C11orf58: variants seen among roughly 807,000 people sequenced by gnomAD.
The protein encoded by C11orf58 is chromosome 11 open reading frame 58.
Under a neutral mutation model 22.7 loss-of-function variants are expected in C11orf58, and 5 were observed. The observed-to-expected ratio is 0.22, with a 90% confidence interval of 0.12 to 0.46. The LOEUF (loss-of-function observed/expected upper bound fraction) is 0.46. C11orf58 is among the 20% of genes least tolerant of loss of function. The pLI, the probability that C11orf58 is intolerant of heterozygous loss-of-function variation, is 0.99. For synonymous variants in C11orf58, 71 were observed against 70.7 expected, an observed-to-expected ratio of 1.00 and a Z score of -0.02; for missense variants, 151 against 223.3, an observed-to-expected ratio of 0.68 and a Z score of 2.06.
intron 1 of C11orf58, chr11:16,744,304 C>T: frequency 3.3e-6 from 1 of 301,168 alleles, no homozygotes; most frequent in Non-Finnish European, 6.2e-6. Context: ...CCCGCTGAAT[C>T]TCTGGGGCTG....
At chr11:16,744,555 C>G (rs762257389) in intron 1 of C11orf58, 46 bp from the exon 2 acceptor site, 1 of 1,504,074 alleles carries the variant, frequency 6.6e-7, no homozygotes, top group Non-Finnish European at 9.2e-7. Flanking sequence ...TTTCGTAATA[C>G]TTATTTTTAT....
In C11orf58 at chr11:16,738,803, C is replaced by T. The variant is rs757294906; in HGVS notation, c.25C>T (p.Pro9Ser). The change falls in exon 1 of 5, where the codon CCG becomes TCG. Residue 9 changes from proline (P) to serine (S), a missense_variant. Physicochemically the swap from Pro to Ser is moderately conservative, Grantham distance 74 (BLOSUM62 -1). Around this residue, in one of 3 missense-constraint regions of C11orf58, gnomAD observed 34 missense variants for 36.5 expected, o/e 0.93. Coordinates refer to ENST00000228136, the MANE Select transcript of C11orf58 (RefSeq NM_014267.6). MSAARESH[P>S]HGVKRSASPD... Reference sequence around the variant, plus strand: ...GATGAGTGCTGCCAGAGAGTCTCACCCGCATGGGGTGAAGCGTTCAGCCTC... The same window carrying T: ...GATGAGTGCTGCCAGAGAGTCTCACTCGCATGGGGTGAAGCGTTCAGCCTC... The T allele has an allele frequency of 6.2e-7, 1 of 1,613,968 alleles. No homozygotes were observed. Among genetic ancestry groups the T allele is most frequent in the Non-Finnish European group, 8.5e-7 (1 of 1,180,012 alleles).
intron 2 of C11orf58, chr11:16,746,700 T>G (rs541928493): frequency 6.6e-5 from 10 of 152,294 alleles, no homozygotes; most frequent in South Asian, 4.1e-4. Flanking sequence ...TTCTCTTTTT[T>G]TTGTTGTTGT....
chr11:16,752,848 A>C lies in C11orf58; in HGVS notation c.272A>C (p.Lys91Thr). The change falls in exon 4 of 5, where the codon AAA becomes ACA. Residue 91 changes from lysine to threonine, a missense_variant. Lys to Thr is a moderately conservative substitution (Grantham distance 78). This residue lies in a region of C11orf58 where 112 missense variants were observed against 162.6 expected (regional missense o/e 0.69). Coordinates refer to ENST00000228136, the MANE Select transcript of C11orf58 (RefSeq NM_014267.6). ...CAATATCAGCAAAGTATGGACAGTA[A>C]ATTATCAGGAAGATATCGGCGACAT... ...ESQYQQSMDS[K>T]LSGRYRRHCG... The C allele has an allele frequency of 6.2e-7, 1 of 1,613,038 alleles. No individual in the cohort carries two copies. Among genetic ancestry groups the C allele is most frequent in the Non-Finnish European group, 8.5e-7 (1 of 1,179,632 alleles).
In C11orf58 at chr11:16,752,774, T is replaced by C; in HGVS notation, c.209-11T>C. On this transcript the variant is annotated splice_polypyrimidine_tract_variant and intron_variant, in intron 3 of 4. Coordinates refer to ENST00000228136, the MANE Select transcript of C11orf58 (RefSeq NM_014267.6). ...TGACTGAAACATAACTAAAGTATCC[T>C]GGACATGCAGGGGAAGAAGACAAGA... The C allele has an allele frequency of 6.4e-7, 1 of 1,571,346 alleles. No homozygotes were observed. The highest frequency in any genetic ancestry group is 8.7e-7 in the Non-Finnish European group (1 of 1,145,520).
At chr11:16,754,029 C>T in intron 4 of C11orf58, 1 of 420,970 alleles carries the variant, frequency 2.4e-6, no homozygotes. Context: ...CAACAACATG[C>T]TCACAAGTTA....
rs1848567520 is a variant in C11orf58 at position 16,755,253 on chromosome 11, T to C, written c.*149T>C. ...AAAGAGTGTTTGCTTTCAAATGCCA[T>C]GGGTTACACTTTTATGGGCATGACT... On this transcript the variant is annotated 3_prime_UTR_variant, in exon 5 of 5. Coordinates refer to ENST00000228136, the MANE Select transcript of C11orf58 (RefSeq NM_014267.6). 1.1e-6 allele frequency: 1 copy of C among 905,226 alleles called. No individual in the cohort carries two copies. Among genetic ancestry groups the C allele is most frequent in the Non-Finnish European group, 1.7e-6 (1 of 599,600 alleles). The allele number at this position is 905,226 out of a possible 1,614,324, so 56.1% of individuals were successfully genotyped here. A position where few individuals can be genotyped will look rare whatever the true frequency, so the allele number is the denominator to read the frequency against.
rs72862578 is a variant in C11orf58, at chr11:16,757,060, T to C, written c.*1956T>C. Among the ~76,000 whole-genome samples the C allele has an allele frequency of 0.019, 2,912 of 152,226 alleles. 36 individuals carry two copies. The highest frequency in any genetic ancestry group is 0.031 in the Non-Finnish European group (2,089 of 68,014). Reference sequence around the variant, plus strand: ...CTTGTTATTTTTTTAATTTCTCACATTTTTGAAAAATAGATGCTATCCTCT... The same window carrying C: ...CTTGTTATTTTTTTAATTTCTCACACTTTTGAAAAATAGATGCTATCCTCT... On this transcript the variant is annotated 3_prime_UTR_variant, in exon 5 of 5. Transcript: ENST00000228136.
intron 2 of C11orf58, chr11:16,747,573 T>G (rs1275264255): frequency 6.6e-6 from 1 of 152,270 alleles, no homozygotes; most frequent in African/African-American, 2.4e-5. Context: ...AGTAGTTTAT[T>G]GTCAAATAGT....
rs1266536518 is a variant in C11orf58 at position 16,755,737 on chromosome 11, GA to G, written c.*634del. 9 of 152,568 alleles carry G rather than the reference GA, an allele frequency of 5.9e-5. No homozygotes were observed. Among genetic ancestry groups the G allele is most frequent in the Non-Finnish European group, 1.3e-4 (9 of 68,014 alleles). 9.5% of individuals were successfully genotyped at this position (152,568 alleles called of 1,614,324 possible). On this transcript the variant is annotated 3_prime_UTR_variant, in exon 5 of 5. Transcript: ENST00000228136. The stretch of plus-strand genomic sequence containing the variant: ...ATAATTTGGATTGTATCGTATGTTA[GA>G]TTTTTGATAAAATTTGGCCAATTTT...
chr11:16,743,684 G>A (rs1848465467), intron 1 of C11orf58, among the ~76,000 whole-genome samples: 1 of 152,114 alleles, frequency 6.6e-6, no homozygotes, highest in African/African-American at 2.4e-5. Flanking sequence ...TGTCTTGAAA[G>A]ATGATGATGA....
Position 16,748,090 on chromosome 11 carries a change from C to CAT in C11orf58, c.148-7_148-6insAT. The CAT allele has an allele frequency of 6.2e-7, 1 of 1,608,902 alleles. No individual in the cohort carries two copies. Among genetic ancestry groups the CAT allele is most frequent in the Admixed American group, 1.7e-5 (1 of 59,938 alleles). ...CAAATGCTAATACATTTTCAACCTT[C>CAT]TTATAGAAAGAACATACTGGTCGTC... On this transcript the variant is annotated splice_region_variant and splice_polypyrimidine_tract_variant and intron_variant, in intron 2 of 4. Transcript: ENST00000228136.
chr11:16,743,922 A>G (rs762488538), intron 1 of C11orf58, among the ~76,000 whole-genome samples: 7 of 152,114 alleles, frequency 4.6e-5, no homozygotes, highest in Non-Finnish European at 1.0e-4. Context: ...GACTCATTTG[A>G]TAATTGCAAG....
At position 16,754,917 on chromosome 11, in the gene C11orf58, A is replaced by G. The variant is rs1848563993; in HGVS notation, c.365A>G (p.Asp122Gly). 1.2e-6 allele frequency: 2 copies of G among 1,613,936 alleles called. No homozygotes were observed. Among genetic ancestry groups the G allele is most frequent in the Admixed American group, 1.7e-5 (1 of 59,970 alleles). Residue 122 changes from aspartate (D) to glycine (G), a missense_variant, in exon 5 of 5, where the codon GAT becomes GGT. Coordinates refer to ENST00000228136, the MANE Select transcript of C11orf58 (RefSeq NM_014267.6). The stretch of plus-strand genomic sequence containing the variant: ...GGTGATGTGGCTGGAGATGATGATG[A>G]TGACGATGATGATTCACCTGATCCT... ...GEGDVAGDDD[D>G]DDDDSPDPES...
intron 2 of C11orf58, among the ~76,000 whole-genome samples, chr11:16,746,514 T>G (rs913717111): frequency 1.3e-5 from 2 of 152,166 alleles, no homozygotes; most frequent in African/African-American, 2.4e-5. Context: ...AACCTATCAT[T>G]GAAAATTAAG....
At chr11:16,745,229 T>C (rs1470832543) in intron 2 of C11orf58, among the ~76,000 whole-genome samples, 2 of 152,188 alleles carry the variant, frequency 1.3e-5, no homozygotes, top group East Asian at 1.9e-4. Flanking sequence ...ATTTTAAAAA[T>C]GTTCAAGATA....
chr11:16,738,679 G>GTGGCGCTGCT lies in C11orf58; in HGVS notation c.-96_-87dup. ...GCCCGGAGGGGCTCTGCGTTCTGTAGTGGCGCTGCTTGGGCCCTTGGCGGA... is the reference window on the plus strand; with the variant it reads ...GCCCGGAGGGGCTCTGCGTTCTGTAGTGGCGCTGCTTGGCGCTGCTTGGGCCCTTGGCGGA... On this transcript the variant is annotated 5_prime_UTR_variant, in exon 1 of 5. Coordinates refer to ENST00000228136, the MANE Select transcript of C11orf58 (RefSeq NM_014267.6). The GTGGCGCTGCT allele has an allele frequency of 7.4e-7, 1 of 1,347,346 alleles. No individual in the cohort carries two copies. Among genetic ancestry groups the GTGGCGCTGCT allele is most frequent in the Non-Finnish European group, 1.1e-6 (1 of 941,044 alleles). The allele number at this position is 1,347,346 out of a possible 1,614,324, so 83.5% of individuals were successfully genotyped here.
chr11:16,752,930 A>G (rs1002220420), intron 4 of C11orf58, 36 bp downstream of exon 4: 26 of 1,508,212 alleles, frequency 1.7e-5, no homozygotes, highest in Non-Finnish European at 2.3e-5. Flanking sequence ...GAAGATAATT[A>G]GTTTTCAATT....
chr11:16,749,512 T>G (rs1011321406), intron 3 of C11orf58: 2 of 152,370 alleles, frequency 1.3e-5, no homozygotes, highest in South Asian at 2.1e-4. Flanking sequence ...TGTTAGAAAC[T>G]GGACCACATA....
Sources: gnomAD v4.1 joint callset for allele counts (sites outside exome capture counted in the v4.1 genomes callset) on GRCh38, gnomAD v4.1.1 for gene constraint, gnomAD v4.1.1 regional missense constraint, MANE v1.5 for transcripts, NCBI Gene and HGNC (gene_info 2026-07-23, HGNC 2026-07-21) for gene names.